The following PPP4R3B variants were observed in gnomAD, a reference collection of about 807,000 sequenced individuals.
PPP4R3B encodes protein phosphatase 4 regulatory subunit 3B, also known as serine/threonine-protein phosphatase 4 regulatory subunit 3B.
PPP4R3B carries 52 observed loss-of-function variants against 95.4 expected under a neutral mutation model. The observed-to-expected ratio is 0.54, with a 90% confidence interval of 0.44 to 0.69. The LOEUF is 0.69. Among genes scored for constraint, PPP4R3B ranks in the 30% least tolerant of loss-of-function variants. The probability of loss-of-function intolerance (pLI) is 0.00; values close to 1 mark genes in which losing one functional copy is unlikely to be tolerated. For missense variants in PPP4R3B, 1,003 were observed against 1,005.9 expected, an observed-to-expected ratio of 1.00 and a Z score of 0.04; for synonymous variants, 407 against 343.9, an observed-to-expected ratio of 1.18 and a Z score of -2.03.
intron 15 of PPP4R3B, among the ~76,000 whole-genome samples, chr2:55,559,472 TC>T (rs1433973560): frequency 1.3e-5 from 2 of 152,300 alleles, no homozygotes; most frequent in East Asian, 3.9e-4. Context: ...CCCACCCAAA[TC>T]GCAAATCAAA....
At chr2:55,592,157 CAT>C (rs1278874669) in intron 4 of PPP4R3B, among the ~76,000 whole-genome samples, 2 of 152,086 alleles carry the variant, frequency 1.3e-5, no homozygotes, top group African/African-American at 4.8e-5. Flanking sequence ...TTTTTAGAAA[CAT>C]ATAAACACAG....
chr2:55,615,316 G>C (rs551557109), intron 2 of PPP4R3B, 135 bp downstream of exon 2: 1 of 708,956 alleles, frequency 1.4e-6, no homozygotes, highest in South Asian at 1.7e-5. Flanking sequence ...CTTTTAACCT[G>C]CAAGAGAAAT....
intron 16 of PPP4R3B, among the ~76,000 whole-genome samples, chr2:55,555,062 C>T (rs531523677): frequency 3.6e-4 from 55 of 152,108 alleles, no homozygotes; most frequent in Admixed American, 1.4e-3. Context: ...AGGCAGATCA[C>T]GAGGTCAGGA....
chr2:55,617,508 G>C lies in PPP4R3B; in HGVS notation c.-223C>G. The C allele has an allele frequency of 2.2e-6, 1 of 456,512 alleles. No homozygotes were observed. The highest frequency in any genetic ancestry group is 3.9e-5 in the Admixed American group (1 of 25,334). The allele number at this position is 456,512 out of a possible 1,614,324, so 28.3% of individuals were successfully genotyped here. A position where few individuals can be genotyped will look rare whatever the true frequency, so the allele number is the denominator to read the frequency against. On this transcript the variant is annotated 5_prime_UTR_variant, in exon 1 of 17. Coordinates refer to ENST00000616407, the MANE Select transcript of PPP4R3B (RefSeq NM_001122964.3). ...CCCCGTTACCTCTCACTTCACCCGC[G>C]CATACACCCACTCTCCCGTCTCTTT...
chr2:55,562,249 C>T (rs1024223381), intron 15 of PPP4R3B, among the ~76,000 whole-genome samples: 1 of 151,982 alleles, frequency 6.6e-6, no homozygotes, highest in Non-Finnish European at 1.5e-5. Context: ...TGGTGAAACC[C>T]CATCTCTATT....
At chr2:55,616,727 A>AT (rs969058581) in intron 1 of PPP4R3B, 37 of 151,424 alleles carry the variant, frequency 2.4e-4, no homozygotes, top group East Asian at 9.7e-4. Context: ...CGTTGGTACA[A>AT]TTTTTTTTTT....
chr2:55,598,377 T>C (rs1370915883), intron 4 of PPP4R3B, 39 bp downstream of exon 4: 3 of 1,586,420 alleles, frequency 1.9e-6, no homozygotes, highest in Non-Finnish European at 2.6e-6. Context: ...GAACTAAATA[T>C]CTGAAAAATG....
chr2:55,568,439 A>T, intron 12 of PPP4R3B, 76 bp from the exon 13 acceptor site: 2 of 1,226,178 alleles, frequency 1.6e-6, no homozygotes, highest in Non-Finnish European at 1.1e-6. Context: ...TTTCCACCAT[A>T]AAGCAATGTA....
Position 55,549,889 on chromosome 2 carries a change from T to G in PPP4R3B, c.*22A>C. 1 of 1,559,632 alleles carries G rather than the reference T, an allele frequency of 6.4e-7. No homozygotes were observed. The highest frequency in any genetic ancestry group is 8.8e-7 in the Non-Finnish European group (1 of 1,130,530). ...GTTGCAGCATTGTAAGACCACATGT[T>G]GAGGGTCCCCTAATAAATATTTTAT... On this transcript the variant is annotated 3_prime_UTR_variant, in exon 17 of 17. Transcript: ENST00000616407.
chr2:55,553,858 G>T (rs1685531539), intron 16 of PPP4R3B, among the ~76,000 whole-genome samples: 1 of 152,178 alleles, frequency 6.6e-6, no homozygotes, highest in African/African-American at 2.4e-5. Flanking sequence ...TCAGCTGAGA[G>T]ACATTTGGGT....
At chr2:55,589,537 C>A (rs374110389) in intron 4 of PPP4R3B, among the ~76,000 whole-genome samples, 1 of 152,204 alleles carries the variant, frequency 6.6e-6, no homozygotes, top group Non-Finnish European at 1.5e-5. Context: ...ACAATAACTG[C>A]TTTTCATACT....
At chr2:55,584,788 A>G (rs1689917157) in intron 7 of PPP4R3B, among the ~76,000 whole-genome samples, 3 of 152,226 alleles carry the variant, frequency 2.0e-5, no homozygotes, top group Admixed American at 1.3e-4. Context: ...AACACTTGAA[A>G]TTTAAGACCA....
At chr2:55,573,488 A>G in intron 12 of PPP4R3B, 131 bp downstream of exon 12, 1 of 834,572 alleles carries the variant, frequency 1.2e-6, no homozygotes, top group Non-Finnish European at 1.8e-6. Flanking sequence ...CCTTTAAATA[A>G]GAACAAAAGA....
chr2:55,587,174 T>G (rs1169689994), intron 5 of PPP4R3B, among the ~76,000 whole-genome samples: 1 of 152,254 alleles, frequency 6.6e-6, no homozygotes, highest in East Asian at 1.9e-4. Flanking sequence ...TTGTTTACAA[T>G]GCTGGATTTG....
intron 4 of PPP4R3B, among the ~76,000 whole-genome samples, chr2:55,598,149 A>G (rs888115259): frequency 2.4e-4 from 37 of 151,996 alleles, no homozygotes; most frequent in African/African-American, 8.4e-4. Context: ...GAACCCGGGA[A>G]GCGTAGGTTG....
At chr2:55,588,232 G>A (rs959823206) in intron 5 of PPP4R3B, among the ~76,000 whole-genome samples, 31 of 152,102 alleles carry the variant, frequency 2.0e-4, no homozygotes, top group East Asian at 1.9e-4. Flanking sequence ...AAAGCATTGC[G>A]GCTAGGCGCA....
At chr2:55,609,076 A>C (rs560874731) in intron 2 of PPP4R3B, among the ~76,000 whole-genome samples, 144 of 152,368 alleles carry the variant, frequency 9.5e-4, no homozygotes, top group African/African-American at 3.2e-3. Flanking sequence ...ATATGTGGTC[A>C]GATCAACAAG....
chr2:55,561,058 TTG>T (rs1347590503), intron 15 of PPP4R3B, among the ~76,000 whole-genome samples: 1 of 152,120 alleles, frequency 6.6e-6, no homozygotes, highest in African/African-American at 2.4e-5. Context: ...AAAAATGGTT[TTG>T]TGAGCTGGGC....
chr2:55,613,563 T>C (rs1329441851), intron 2 of PPP4R3B, among the ~76,000 whole-genome samples: 2 of 152,164 alleles, frequency 1.3e-5, no homozygotes, highest in South Asian at 2.1e-4. Flanking sequence ...ATTACCTACA[T>C]ATCCTAATGA....
Sources: allele counts gnomAD v4.1 joint callset (sites outside exome capture counted in the v4.1 genomes callset), GRCh38; gene constraint gnomAD v4.1.1; transcripts MANE v1.5; gene names NCBI Gene and HGNC (gene_info 2026-07-23, HGNC 2026-07-21).